COL27A1: variants seen among roughly 807,000 people sequenced by gnomAD.
COL27A1 encodes collagen alpha-1(XXVII) chain.
A neutral mutation model predicts 251.3 loss-of-function variants in COL27A1; 106 were observed. That is an observed-to-expected ratio of 0.42 (90% CI 0.36 to 0.50). COL27A1 has a LOEUF of 0.50. Ranked by LOEUF, COL27A1 falls within the 20% of genes least tolerant of loss-of-function variation. The probability of loss-of-function intolerance (pLI) is 0.00; values close to 1 mark genes in which losing one functional copy is unlikely to be tolerated. For synonymous variants in COL27A1, 1,000 were observed against 986.3 expected, an observed-to-expected ratio of 1.01 and a Z score of -0.26; for missense variants, 2,325 against 2,522.8, an observed-to-expected ratio of 0.92 and a Z score of 1.68.
intron 23 of COL27A1, 28 bp from the exon 24 acceptor site, chr9:114,245,838 A>G (rs771708050): frequency 2.5e-6 from 4 of 1,611,842 alleles, no homozygotes; most frequent in Non-Finnish European, 3.4e-6. Flanking sequence ...TCCCATCCCA[A>G]TCCATCCTCC....
intron 3 of COL27A1, among the ~76,000 whole-genome samples, chr9:114,173,738 T>C (rs186546107): frequency 5.3e-5 from 8 of 152,120 alleles, no homozygotes; most frequent in Admixed American, 4.6e-4. Flanking sequence ...ATATGAAACC[T>C]GGGTCCTGGT....
At chr9:114,237,631 C>G in intron 18 of COL27A1, 31 bp from the exon 19 acceptor site, 1 of 1,606,586 alleles carries the variant, frequency 6.2e-7, no homozygotes, top group Non-Finnish European at 8.5e-7. Flanking sequence ...GTCCTCACCC[C>G]TGCCTCCCTG....
intron 5 of COL27A1, among the ~76,000 whole-genome samples, chr9:114,184,982 C>A (rs1027048834): frequency 2.6e-5 from 4 of 152,224 alleles, no homozygotes; most frequent in Non-Finnish European, 5.9e-5. Context: ...CCCAGACTCA[C>A]TCCCTGCTCC....
At chr9:114,218,486 C>T (rs1157394805) in intron 12 of COL27A1, 1 of 152,190 alleles carries the variant, frequency 6.6e-6, no homozygotes, top group Non-Finnish European at 1.5e-5. Flanking sequence ...GTTGCCTAAC[C>T]GAGTCTCAAT....
chr9:114,242,189 A>G lies in COL27A1; in HGVS notation c.2838A>G (p.Gly946=). 6.2e-7 allele frequency: 1 copy of G among 1,604,940 alleles called. No individual in the cohort carries two copies. The highest frequency in any genetic ancestry group is 1.3e-5 in the African/African-American group (1 of 74,244). ...PGPRGQLGPE[G]DEGPMGPPGA... ...TCTCTCGTGTCTCCCAATTCTAGGG[A>G]GATGAGGGACCCATGGGGCCGCCAG... Residue 946 remains glycine (G), a splice_region_variant and synonymous_variant, in exon 22 of 61, where the codon GGA becomes GGG. Coordinates refer to ENST00000356083, the MANE Select transcript of COL27A1 (RefSeq NM_032888.4).
chr9:114,262,956 T>TTTTTG (rs61067474), intron 28 of COL27A1, among the ~76,000 whole-genome samples: 2 of 150,416 alleles, frequency 1.3e-5, no homozygotes, highest in South Asian at 2.1e-4. Flanking sequence ...TTTTTTTTTT[T>TTTTTG]GAGATGGAGT....
intron 1 of COL27A1, among the ~76,000 whole-genome samples, chr9:114,161,004 C>T (rs998847495): frequency 1.3e-5 from 2 of 152,180 alleles, no homozygotes; most frequent in Non-Finnish European, 2.9e-5. Context: ...GAAGACCCAA[C>T]TCAAAATAGT....
At position 114,235,632 on chromosome 9, in the gene COL27A1, C is replaced by A; in HGVS notation, c.2599C>A (p.Pro867Thr). 1.9e-6 allele frequency: 3 copies of A among 1,613,760 alleles called. No homozygotes were observed. Among genetic ancestry groups the A allele is most frequent in the Non-Finnish European group, 2.5e-6 (3 of 1,179,694 alleles). The change falls in exon 17 of 61, where the codon CCC becomes ACC. Residue 867 changes from proline to threonine, a missense_variant. Transcript: ENST00000356083. ...AGGGGTTCCAGGTGTGTCAGGAGAT[C>A]CCGGATTCCAAGGAGACAAGGTAAT... ...EQGVPGVSGD[P>T]GFQGDKGSQG...
At chr9:114,215,016 A>C (rs375869418) in intron 12 of COL27A1, among the ~76,000 whole-genome samples, 1 of 152,216 alleles carries the variant, frequency 6.6e-6, no homozygotes, top group Non-Finnish European at 1.5e-5. Context: ...GCCTGCTGGG[A>C]TGGCCCTGCA....
rs966589417 is a variant in COL27A1, at chr9:114,303,957, C to G, written c.4873-651C>G. Among the ~76,000 whole-genome samples the G allele has an allele frequency of 3.9e-5, 6 of 152,232 alleles. No homozygotes were observed. In the South Asian group the frequency reaches 8.3e-4, roughly 21 times the overall value. Reference sequence around the variant, plus strand: ...CACAACTGACATCTATAGGATGAGTCTAGGGCAGGTTTTCTGAGACACAGT... The same window carrying G: ...CACAACTGACATCTATAGGATGAGTGTAGGGCAGGTTTTCTGAGACACAGT... On this transcript the variant is annotated intron_variant, in intron 56 of 60. Transcript: ENST00000356083.
At chr9:114,307,454 A>T (rs551382690) in intron 58 of COL27A1, 174 of 565,516 alleles carry the variant, frequency 3.1e-4, no homozygotes, top group African/African-American at 2.9e-3. Flanking sequence ...GTACTTAGCC[A>T]TGTGACCCCT....
At chr9:114,240,357 C>G in intron 20 of COL27A1, 77 bp from the exon 21 acceptor site, 1 of 1,586,068 alleles carries the variant, frequency 6.3e-7, no homozygotes, top group South Asian at 1.1e-5. Context: ...GGCTTGGAAG[C>G]AGGGGTTGCC....
intron 7 of COL27A1, 88 bp downstream of exon 7, chr9:114,196,100 C>T (rs1829103482): frequency 1.7e-6 from 2 of 1,153,640 alleles, no homozygotes; most frequent in Admixed American, 3.4e-5. Flanking sequence ...GCCCACCTGC[C>T]TCTCCCCAGC....
At chr9:114,253,382 AAAG>A in intron 27 of COL27A1, among the ~76,000 whole-genome samples, 1 of 116,934 alleles carries the variant, frequency 8.6e-6, no homozygotes, top group South Asian at 2.8e-4. Context: ...CGAAAGAAAG[AAAG>A]AAAAAAGAAA....
At chr9:114,300,994 G>T in intron 51 of COL27A1, 78 bp from the exon 52 acceptor site, 1 of 1,414,150 alleles carries the variant, frequency 7.1e-7, no homozygotes, top group Non-Finnish European at 9.7e-7. Context: ...CGACGCTCGG[G>T]CTGCCCTCCA....
intron 1 of COL27A1, among the ~76,000 whole-genome samples, chr9:114,159,033 C>T (rs139038337): frequency 4.6e-5 from 7 of 152,340 alleles, no homozygotes; most frequent in Admixed American, 1.3e-4. Flanking sequence ...TTCTTCCACT[C>T]TGACATGCTC....
chr9:114,259,314 G>C (rs1834155939), intron 28 of COL27A1, among the ~76,000 whole-genome samples: 1 of 152,194 alleles, frequency 6.6e-6, no homozygotes, highest in Non-Finnish European at 1.5e-5. Context: ...AGGCTGCAGG[G>C]GGTTTTAAAC....
rs376303544 is a variant in COL27A1 at position 114,245,892 on chromosome 9, G to A, written c.2961G>A (p.Pro987=). 4.6e-5 allele frequency: 74 copies of A among 1,612,374 alleles called. No individual in the cohort carries two copies. Among genetic ancestry groups the A allele is most frequent in the Non-Finnish European group, 4.7e-5 (55 of 1,179,182 alleles). Residue 987 remains proline (P), a synonymous_variant, in exon 24 of 61, where the codon CCG becomes CCA. Transcript: ENST00000356083. ...GGGAACCAGGGGATCCTGGTCGGCC[G>A]GGGCCTGTGGGAGAGCAGGTTAGTT... ...VKGEPGDPGR[P]GPVGEQGFMG...
At position 114,310,649 on chromosome 9, in the gene COL27A1, C is replaced by T; in HGVS notation, c.5537C>T (p.Ser1846Leu). The change falls in exon 61 of 61, where the codon TCA becomes TTA. Residue 1846 changes from serine to leucine, a missense_variant. By Grantham distance (145) the Ser-to-Leu change is moderately radical. This residue lies in a region of COL27A1 where 327 missense variants were observed against 442.8 expected (regional missense o/e 0.74). Coordinates refer to ENST00000356083, the MANE Select transcript of COL27A1 (RefSeq NM_032888.4). The part of the protein sequence containing the change: ...ISVDNLPPAS[S>L]GKQYRLEVGP... ...GTGGACAACCTCCCTCCTGCCTCAT[C>T]AGGGAAGCAGTACCGCCTGGAAGTT... 6 of 1,614,218 alleles carry T rather than the reference C, an allele frequency of 3.7e-6. No individual in the cohort carries two copies. Among genetic ancestry groups the T allele is most frequent in the Non-Finnish European group, 5.1e-6 (6 of 1,180,036 alleles).
Sources: gnomAD v4.1 joint callset for allele counts (sites outside exome capture counted in the v4.1 genomes callset) on GRCh38, gnomAD v4.1.1 for gene constraint, gnomAD v4.1.1 regional missense constraint, MANE v1.5 for transcripts, NCBI Gene and HGNC (gene_info 2026-07-23, HGNC 2026-07-21) for gene names.